CLIP1: variants seen among roughly 807,000 people sequenced by gnomAD.
CLIP1 encodes CAP-Gly domain-containing linker protein 1.
In CLIP1, 66 loss-of-function variants were observed where a neutral mutation model predicts 161.6. The ratio of observed to expected loss-of-function variants is 0.41; its 90% CI spans 0.33 to 0.50. CLIP1 has a LOEUF of 0.50. Among genes scored for constraint, CLIP1 ranks in the 20% least tolerant of loss-of-function variants. CLIP1 has a pLI of 0.27. For missense variants in CLIP1, 1,376 were observed against 1,702.0 expected (o/e 0.81, Z 3.37); for synonymous variants, 598 against 626.2 (o/e 0.96, Z 0.67).
intron 1 of CLIP1, among the ~76,000 whole-genome samples, chr12:122,420,366 G>A (rs1014207703): frequency 1.3e-5 from 2 of 151,802 alleles, no homozygotes; most frequent in African/African-American, 2.4e-5. Flanking sequence ...AAAGAGATAA[G>A]GATATCAGAT....
intron 10 of CLIP1, 87 bp downstream of exon 10, chr12:122,347,288 G>T: frequency 1.0e-6 from 1 of 991,254 alleles, no homozygotes; most frequent in South Asian, 1.5e-5. Context: ...ACTGGGTCAA[G>T]GCTCAGGCCA....
chr12:122,374,488 G>T (rs1954620216), intron 3 of CLIP1, among the ~76,000 whole-genome samples: 1 of 151,744 alleles, frequency 6.6e-6, no homozygotes, highest in South Asian at 2.1e-4. Context: ...TAGCAGCCAG[G>T]CGCGGTGGCT....
intron 20 of CLIP1, among the ~76,000 whole-genome samples, chr12:122,290,195 T>A (rs1034854150): frequency 6.6e-6 from 1 of 152,214 alleles, no homozygotes; most frequent in Admixed American, 6.5e-5. Flanking sequence ...TGCTATGAGG[T>A]CTTATTTTAA....
chr12:122,404,767 G>T (rs935298999), intron 1 of CLIP1, among the ~76,000 whole-genome samples: 2 of 151,350 alleles, frequency 1.3e-5, no homozygotes, highest in Non-Finnish European at 1.5e-5. Context: ...GCCTGGCATG[G>T]TGGCGGGCGC....
rs541848292 is a variant in CLIP1 at position 122,276,491 on chromosome 12, G to A, written c.3966+1663C>T. On this transcript the variant is annotated intron_variant, in intron 24 of 25. Transcript: ENST00000620786. Reference sequence around the variant, plus strand: ...TCAGCAGCAGATGAAACAAACCGAAGCAGAAAGGAAGGGGGAAGAGAAGAC... The same window carrying A: ...TCAGCAGCAGATGAAACAAACCGAAACAGAAAGGAAGGGGGAAGAGAAGAC... 3 of 1,288,896 alleles carry A rather than the reference G, an allele frequency of 2.3e-6. No individual in the cohort carries two copies. In the African/African-American group the frequency reaches 4.6e-5, roughly 20 times the overall value. 79.8% of individuals were successfully genotyped at this position (1,288,896 alleles called of 1,614,324 possible). A position where few individuals can be genotyped will look rare whatever the true frequency, so the allele number is the denominator to read the frequency against.
At chr12:122,357,062 C>T (rs1471624405) in intron 5 of CLIP1, among the ~76,000 whole-genome samples, 2 of 152,188 alleles carry the variant, frequency 1.3e-5, no homozygotes, top group East Asian at 1.9e-4. Context: ...GCCGCCACCC[C>T]GTCTGGGAAG....
chr12:122,337,404 C>A (rs1213808794), intron 11 of CLIP1, among the ~76,000 whole-genome samples: 1 of 150,262 alleles, frequency 6.7e-6, no homozygotes, highest in Non-Finnish European at 1.5e-5. Context: ...CGAGACCAGA[C>A]CACTGCACTC....
At chr12:122,281,208 AC>A (rs1955630492) in intron 21 of CLIP1, among the ~76,000 whole-genome samples, 2 of 152,048 alleles carry the variant, frequency 1.3e-5, no homozygotes, top group African/African-American at 4.8e-5. Context: ...TGAATTAAAA[AC>A]CCCAGCATTA....
chr12:122,276,678 T>C (rs1053531497), intron 24 of CLIP1: 4 of 318,824 alleles, frequency 1.3e-5, no homozygotes, highest in Non-Finnish European at 2.4e-5. Context: ...GTGGCTTTTG[T>C]ACTTTTGAAT....
chr12:122,321,242 C>CT (rs139695589), intron 17 of CLIP1, among the ~76,000 whole-genome samples: 105 of 142,910 alleles, frequency 7.3e-4, no homozygotes, highest in Middle Eastern at 3.7e-3. Flanking sequence ...CAATTTATTG[C>CT]TTTTTTTTTT....
At chr12:122,390,198 A>ATATATAT in intron 1 of CLIP1, among the ~76,000 whole-genome samples, 1 of 77,840 alleles carries the variant, frequency 1.3e-5, no homozygotes, top group Non-Finnish European at 3.3e-5. Context: ...TATATATATA[A>ATATATAT]TATATATATA....
At chr12:122,340,163 C>T (rs558326902) in intron 11 of CLIP1, among the ~76,000 whole-genome samples, 95 of 151,914 alleles carry the variant, frequency 6.3e-4, no homozygotes, top group East Asian at 1.7e-3. Context: ...CTGCAACCTC[C>T]GCCTCCCGGG....
chr12:122,331,665 A>T (rs1042312366), intron 15 of CLIP1, among the ~76,000 whole-genome samples: 1 of 152,180 alleles, frequency 6.6e-6, no homozygotes, highest in Non-Finnish European at 1.5e-5. Flanking sequence ...AGCACAGTGC[A>T]TGGCCCATAG....
chr12:122,404,321 G>C (rs998998312), intron 1 of CLIP1, among the ~76,000 whole-genome samples: 2 of 152,222 alleles, frequency 1.3e-5, no homozygotes, highest in African/African-American at 4.8e-5. Context: ...AATAGGCCGG[G>C]TGCAGTGGCT....
At chr12:122,384,161 A>G (rs1680982713) in intron 1 of CLIP1, among the ~76,000 whole-genome samples, 1 of 152,210 alleles carries the variant, frequency 6.6e-6, no homozygotes, top group Non-Finnish European at 1.5e-5. Flanking sequence ...CCTGTCTCCT[A>G]AGGTCATTCT....
intron 3 of CLIP1, among the ~76,000 whole-genome samples, chr12:122,376,581 C>T (rs1954745698): frequency 6.6e-6 from 1 of 151,888 alleles, no homozygotes; most frequent in African/African-American, 2.4e-5. Context: ...ATTCTCTTGC[C>T]TCAGCCTCCC....
rs1054336060 is a variant in CLIP1 at position 122,272,206 on chromosome 12, A to G, written c.*669T>C. 18 of 152,644 alleles carry G rather than the reference A, an allele frequency of 1.2e-4. No homozygotes were observed. Among genetic ancestry groups the G allele is most frequent in the African/African-American group, 4.3e-4 (18 of 41,466 alleles). 9.5% of individuals were successfully genotyped at this position (152,644 alleles called of 1,614,324 possible). A position where few individuals can be genotyped will look rare whatever the true frequency, so the allele number is the denominator to read the frequency against. On this transcript the variant is annotated 3_prime_UTR_variant, in exon 26 of 26. Transcript: ENST00000620786. The stretch of plus-strand genomic sequence containing the variant: ...AGCTGAAATTATGCAAAACTAATAA[A>G]CAAAACACCACAGTAGATTAAGTGG...
chr12:122,313,320 C>T (rs1951132907), intron 19 of CLIP1, among the ~76,000 whole-genome samples: 1 of 152,178 alleles, frequency 6.6e-6, no homozygotes, highest in African/African-American at 2.4e-5. Flanking sequence ...GAGTACAGCA[C>T]CAGGAACAGC....
chr12:122,352,764 G>A lies in CLIP1; in HGVS notation c.1330C>T (p.Arg444Trp), dbSNP rs780211998. The A allele has an allele frequency of 5.0e-6, 8 of 1,613,700 alleles. No individual in the cohort carries two copies. Among genetic ancestry groups the A allele is most frequent in the East Asian group, 2.2e-5 (1 of 44,886 alleles). Reference sequence around the variant, plus strand: ...TTGGTAATTGATTCTTCTTCAACCCGGAACTGAAGGTCCTCAACCTTCCTG... The same window carrying A: ...TTGGTAATTGATTCTTCTTCAACCCAGAACTGAAGGTCCTCAACCTTCCTG... ...EKRKVEDLQFRVEEESITKGD... is the reference protein window; with the variant it reads ...EKRKVEDLQFWVEEESITKGD... Residue 444 changes from arginine (R) to tryptophan (W), a missense_variant, in exon 8 of 26, where the codon CGG (arginine) becomes TGG (tryptophan). Physicochemically the swap from Arg to Trp is moderately radical, Grantham distance 101 (BLOSUM62 -3). Around this residue, in one of 6 missense-constraint regions of CLIP1, gnomAD observed 5 missense variants for 28.3 expected, o/e 0.18. Coordinates refer to ENST00000620786, the MANE Select transcript of CLIP1 (RefSeq NM_001247997.2).
Sources: gnomAD v4.1 joint callset for allele counts (sites outside exome capture counted in the v4.1 genomes callset) on GRCh38, gnomAD v4.1.1 for gene constraint, gnomAD v4.1.1 regional missense constraint, MANE v1.5 for transcripts, NCBI Gene and HGNC (gene_info 2026-07-23, HGNC 2026-07-21) for gene names.